Variants in SORT1 observed in about 807,000 individuals in gnomAD.
SORT1 encodes sortilin.
A neutral mutation model predicts 101.7 loss-of-function variants in SORT1; 39 were observed. The observed-to-expected ratio is 0.38, with a 90% CI of 0.30 to 0.50. The LOEUF is 0.50. Among genes scored for constraint, SORT1 ranks in the 20% least tolerant of loss-of-function variants. The pLI is 0.90. For synonymous variants in SORT1, 396 were observed against 393.7 expected (o/e 1.01, Z -0.07); for missense variants, 878 against 1,040.4 (o/e 0.84, Z 2.15).
chr1:109,397,341 C>CT (rs1006049778), intron 1 of SORT1: 5 of 155,230 alleles, frequency 3.2e-5, no homozygotes, highest in African/African-American at 1.2e-4. Flanking sequence ...ATTTTGACAA[C>CT]TTAAAAAAAA....
intron 1 of SORT1, chr1:109,393,052 G>T (rs973448357): frequency 2.0e-6 from 2 of 985,278 alleles, no homozygotes; most frequent in African/African-American, 1.7e-5. Context: ...TGTTACAAAG[G>T]TCTGGCGATT....
chr1:109,354,198 C>A (rs894319627), intron 5 of SORT1, among the ~76,000 whole-genome samples, 169 bp downstream of exon 5: 1 of 152,124 alleles, frequency 6.6e-6, no homozygotes, highest in African/African-American at 2.4e-5. Context: ...ATGTGGAAAT[C>A]GTGTCCTTTA....
At chr1:109,368,227 G>A (rs1023980368) in intron 2 of SORT1, among the ~76,000 whole-genome samples, 13 of 149,656 alleles carry the variant, frequency 8.7e-5, no homozygotes, top group African/African-American at 3.2e-4. Context: ...CTGGGAGGTG[G>A]ACGTTGCTGT....
At position 109,391,487 on chromosome 1, in the gene SORT1, G is replaced by C. The variant is rs547620835; in HGVS notation, c.306+6100C>G. ...TGTAGATGAGGAATCGAGGGCCAGA[G>C]ACTAAAACACAAAACAGAAAATAAG... On this transcript the variant is annotated intron_variant, in intron 1 of 19. Transcript: ENST00000256637. Among the ~76,000 whole-genome samples the C allele has an allele frequency of 3.3e-5, 5 of 152,322 alleles. No homozygotes were observed. The East Asian group carries it at 7.7e-4, about 23-fold the overall frequency.
chr1:109,332,037 CAA>C (rs36009375), intron 11 of SORT1, among the ~76,000 whole-genome samples: 290 of 132,596 alleles, frequency 2.2e-3, no homozygotes, highest in Middle Eastern at 3.8e-3. Context: ...TTGAAGATGA[CAA>C]AAAAAAAAAA....
chr1:109,320,784 T>A (rs900468535), intron 15 of SORT1, among the ~76,000 whole-genome samples: 1 of 152,254 alleles, frequency 6.6e-6, no homozygotes, highest in African/African-American at 2.4e-5. Flanking sequence ...TTGGGGAATA[T>A]ATGGATGCTG....
At chr1:109,391,098 G>T (rs1432771152) in intron 1 of SORT1, among the ~76,000 whole-genome samples, 1 of 152,076 alleles carries the variant, frequency 6.6e-6, no homozygotes, top group East Asian at 1.9e-4. Context: ...TTTGCTTTTG[G>T]ACTATTCAAG....
chr1:109,337,903 C>T (rs561551190), intron 10 of SORT1, among the ~76,000 whole-genome samples: 7 of 152,274 alleles, frequency 4.6e-5, no homozygotes, highest in South Asian at 2.1e-4. Flanking sequence ...TAGGATTACA[C>T]GCATGAGCCA....
At chr1:109,340,010 G>A (rs981292639) in intron 10 of SORT1, among the ~76,000 whole-genome samples, 1 of 151,982 alleles carries the variant, frequency 6.6e-6, no homozygotes, top group African/African-American at 2.4e-5. Flanking sequence ...TTAGCTGGGT[G>A]TGGTGGCACA....
At chr1:109,355,997 G>A (rs544694062) in intron 3 of SORT1, among the ~76,000 whole-genome samples, 2 of 151,854 alleles carry the variant, frequency 1.3e-5, no homozygotes, top group Admixed American at 6.6e-5. Flanking sequence ...TCAGCCTCCC[G>A]AGTAGCTGGA....
chr1:109,363,512 T>C (rs1404749490), intron 3 of SORT1, among the ~76,000 whole-genome samples: 1 of 152,146 alleles, frequency 6.6e-6, no homozygotes, highest in African/African-American at 2.4e-5. Flanking sequence ...TATACATACA[T>C]ACACATACAT....
Position 109,313,794 on chromosome 1 carries a change from C to T in SORT1, c.*249G>A, listed in dbSNP as rs973629900. The T allele has an allele frequency of 3.2e-5, 17 of 531,962 alleles. No individual in the cohort carries two copies. Among genetic ancestry groups the T allele is most frequent in the Admixed American group, 2.9e-4 (8 of 27,498 alleles). The allele number at this position is 531,962 out of a possible 1,614,324, so 33.0% of individuals were successfully genotyped here. A position where few individuals can be genotyped will look rare whatever the true frequency, so the allele number is the denominator to read the frequency against. On this transcript the variant is annotated 3_prime_UTR_variant, in exon 20 of 20. Transcript: ENST00000256637. The stretch of plus-strand genomic sequence containing the variant: ...GCCCATACTTTGCAAAGAGACAGGA[C>T]GAGAAATAAGAAGTTAAAGAATTTA...
intron 16 of SORT1, among the ~76,000 whole-genome samples, chr1:109,317,523 G>A (rs1422219651): frequency 6.6e-6 from 1 of 152,196 alleles, no homozygotes; most frequent in Non-Finnish European, 1.5e-5. Context: ...CATGGCGGAT[G>A]GGACGCTTCT....
Position 109,397,799 on chromosome 1 carries a change from G to A in SORT1, c.94C>T (p.Leu32Phe). The change falls in exon 1 of 20, where the codon CTC (leucine) becomes TTC (phenylalanine). Residue 32 changes from leucine (L) to phenylalanine (F), a missense_variant. Coordinates refer to ENST00000256637, the MANE Select transcript of SORT1 (RefSeq NM_002959.7). ...LLLQLLPPSTLSQDRLDAPPP... is the reference protein window; with the variant it reads ...LLLQLLPPSTFSQDRLDAPPP... ...GGCGCGTCCAGCCGGTCCTGGCTGA[G>A]GGTCGACGGCGGCAGCAGCTGCAGG... The A allele has an allele frequency of 7.9e-7, 1 of 1,270,376 alleles. No individual in the cohort carries two copies. The highest frequency in any genetic ancestry group is 3.9e-5 in the East Asian group (1 of 25,564). The allele number at this position is 1,270,376 out of a possible 1,614,324, so 78.7% of individuals were successfully genotyped here.
rs976745422 is a variant in SORT1 at position 109,310,695 on chromosome 1, G to C, written c.*3348C>G. The C allele has an allele frequency of 6.5e-6, 1 of 152,688 alleles. No homozygotes were observed. The highest frequency in any genetic ancestry group is 1.5e-5 in the Non-Finnish European group (1 of 68,058). The allele number at this position is 152,688 out of a possible 1,614,324, so 9.5% of individuals were successfully genotyped here. A position where few individuals can be genotyped will look rare whatever the true frequency, so the allele number is the denominator to read the frequency against. ...CATTGTGGACAGGCACGGAGCTCTT[G>C]AGAGCACTGCTCAAAGGAAAGAGGG... On this transcript the variant is annotated 3_prime_UTR_variant, in exon 20 of 20. Transcript: ENST00000256637.
intron 8 of SORT1, 62 bp downstream of exon 8, chr1:109,345,683 TAAAGAG>T: frequency 3.5e-6 from 5 of 1,423,840 alleles, no homozygotes; most frequent in Non-Finnish European, 4.8e-6. Flanking sequence ...TGCCAAGTAA[TAAAGAG>T]AATCTATACG....
In SORT1 at chr1:109,327,018, G is replaced by T. The variant is rs372322263; in HGVS notation, c.1617C>A (p.His539Gln). The change falls in exon 13 of 20, where the codon CAC (histidine) becomes CAA (glutamine). Residue 539 changes from histidine to glutamine, a missense_variant. This residue lies in a region of SORT1 where 684 missense variants were observed against 894.5 expected (regional missense o/e 0.76). Coordinates refer to ENST00000256637, the MANE Select transcript of SORT1 (RefSeq NM_002959.7). Reference sequence around the variant, plus strand: ...TAATCACATTGATAGGACGGCTGCTGTGCTCAATGGCCACAATGATGCCTC... The same window carrying T: ...TAATCACATTGATAGGACGGCTGCTTTGCTCAATGGCCACAATGATGCCTC... Reference protein sequence around the residue: ...DSGGIIVAIEHSSRPINVIKF... With the variant: ...DSGGIIVAIEQSSRPINVIKF... The T allele has an allele frequency of 1.2e-6, 2 of 1,612,190 alleles. No individual in the cohort carries two copies. The highest frequency in any genetic ancestry group is 1.7e-6 in the Non-Finnish European group (2 of 1,179,892).
At chr1:109,327,363 T>A (rs1425954427) in intron 12 of SORT1, 136 bp downstream of exon 12, 17 of 709,646 alleles carry the variant, frequency 2.4e-5, no homozygotes, top group Non-Finnish European at 3.7e-5. Context: ...AGTGTTGTTA[T>A]AATGTAAGAA....
At chr1:109,337,664 A>G (rs898699455) in intron 10 of SORT1, among the ~76,000 whole-genome samples, 3 of 149,616 alleles carry the variant, frequency 2.0e-5, no homozygotes, top group Non-Finnish European at 3.0e-5. Context: ...GTCTTGTTCT[A>G]TCACCCAGGC....
Sources: allele counts gnomAD v4.1 joint callset (sites outside exome capture counted in the v4.1 genomes callset), GRCh38; gene constraint gnomAD v4.1.1; regional missense constraint gnomAD v4.1.1; transcripts MANE v1.5; gene names NCBI Gene and HGNC (gene_info 2026-07-23, HGNC 2026-07-21).